The following MTRR variants were observed in gnomAD, a reference collection of about 807,000 sequenced individuals.
The protein encoded by MTRR is methionine synthase reductase.
A neutral mutation model predicts 79.2 loss-of-function variants in MTRR; 63 were observed. The ratio of observed to expected loss-of-function variants is 0.80; its 90% CI spans 0.65 to 0.98. MTRR has a LOEUF of 0.98. MTRR is among the 50% of genes least tolerant of loss of function. MTRR has a pLI of 0.00. For synonymous variants in MTRR, 355 were observed against 313.3 expected, an observed-to-expected ratio of 1.13 and a Z score of -1.41; for missense variants, 895 against 839.6, an observed-to-expected ratio of 1.07 and a Z score of -0.82.
chr5:7,864,454 ACAT>A (rs1409857653), upstream of MTRR, among the ~76,000 whole-genome samples: 1 of 152,208 alleles, frequency 6.6e-6, no homozygotes, highest in Non-Finnish European at 1.5e-5. Context: ...ATTTAAAAAT[ACAT>A]CATAAGTAAT....
At position 7,883,163 on chromosome 5, in the gene MTRR, C is replaced by G. The variant is rs577950573; in HGVS notation, c.789C>G (p.Ser263Arg). 1.2e-6 allele frequency: 2 copies of G among 1,614,168 alleles called. No individual in the cohort carries two copies. Among genetic ancestry groups the G allele is most frequent in the East Asian group, 4.5e-5 (2 of 44,878 alleles). ...CACATTTGTTTTTCAAGGAGGAAAGCCAAGTATCTGTGACTTCAGCAGATC... is the reference window on the plus strand; with the variant it reads ...CACATTTGTTTTTCAAGGAGGAAAGGCAAGTATCTGTGACTTCAGCAGATC... ...HLQESLGQEE[S>R]QVSVTSADPV... The change falls in exon 6 of 15, where the codon AGC (serine) becomes AGG (arginine). Residue 263 changes from serine to arginine, a missense_variant. Ser to Arg is a moderately radical substitution (Grantham distance 110). Coordinates refer to ENST00000440940, the MANE Select transcript of MTRR (RefSeq NM_002454.3).
rs1277860671 is a variant in MTRR, at chr5:7,886,641, G to A, written c.1084G>A (p.Ala362Thr). 3 of 1,613,870 alleles carry A rather than the reference G, an allele frequency of 1.9e-6. No individual in the cohort carries two copies. The highest frequency in any genetic ancestry group is 1.7e-5 in the Admixed American group (1 of 60,020). Reference protein sequence around the residue: ...KGATLPQHIPAGCSLQFIFTW... With the variant: ...KGATLPQHIPTGCSLQFIFTW... The stretch of plus-strand genomic sequence containing the variant: ...AGCTACCTTACCCCAGCATATACCT[G>A]CGGGATGTTCTCTCCAGTTCATTTT... Residue 362 changes from alanine to threonine, a missense_variant, in exon 8 of 15, where the codon GCG becomes ACG. By Grantham distance (58) the Ala-to-Thr change is moderately conservative. Coordinates refer to ENST00000440940, the MANE Select transcript of MTRR (RefSeq NM_002454.3).
intron 9 of MTRR, among the ~76,000 whole-genome samples, chr5:7,889,886 A>AT (rs1303033485): frequency 6.6e-6 from 1 of 151,944 alleles, no homozygotes; most frequent in Non-Finnish European, 1.5e-5. Flanking sequence ...AGAGTAACCC[A>AT]TTTTTTTGCC....
At chr5:7,876,309 G>C (rs571278498) in intron 4 of MTRR, among the ~76,000 whole-genome samples, 3 of 152,140 alleles carry the variant, frequency 2.0e-5, no homozygotes, top group Admixed American at 2.0e-4. Flanking sequence ...ATTCACTTTA[G>C]CTCTGTACCT....
chr5:7,873,425 G>A lies in MTRR; in HGVS notation c.182G>A (p.Gly61Asp), dbSNP rs768376029. The change falls in exon 3 of 15, where the codon GGC becomes GAC. Residue 61 changes from glycine to aspartate, a missense_variant. By Grantham distance (94) the Gly-to-Asp change is moderately conservative. Transcript: ENST00000440940. ...CTTGTTGTTGTGGTTTCTACCACGG[G>A]CACCGGAGACCCACCCGACACAGCC... Reference protein sequence around the residue: ...APLVVVVSTTGTGDPPDTARK... With the variant: ...APLVVVVSTTDTGDPPDTARK... The A allele has an allele frequency of 2.0e-5, 33 of 1,613,996 alleles. No individual in the cohort carries two copies. The highest frequency in any genetic ancestry group is 1.8e-4 in the South Asian group (16 of 91,076).
chr5:7,886,727 G>T, intron 8 of MTRR, 24 bp downstream of exon 8: 1 of 1,550,328 alleles, frequency 6.5e-7, no homozygotes, highest in South Asian at 1.1e-5. Context: ...TCTTCTTCAG[G>T]TAACTATTTT....
At chr5:7,867,776 T>TA, upstream of MTRR, 3 of 1,614,216 alleles carry the variant, frequency 1.9e-6, no homozygotes, top group South Asian at 3.3e-5. Flanking sequence ...CAGTCTCCTG[T>TA]AAAACATCTG....
upstream of MTRR, chr5:7,866,006 CAT>C (rs1345878005): frequency 6.3e-6 from 10 of 1,581,178 alleles, no homozygotes; most frequent in South Asian, 7.8e-5. Flanking sequence ...GCATCCCAGT[CAT>C]AGTTACGTCT....
At chr5:7,885,575 A>C (rs1218009814) in intron 6 of MTRR, 126 bp from the exon 7 acceptor site, 16 of 853,338 alleles carry the variant, frequency 1.9e-5, no homozygotes, top group Non-Finnish European at 2.8e-5. Context: ...TTTTTTTTTG[A>C]AATTCTATTT....
chr5:7,898,691 G>A (rs537728160), intron 14 of MTRR, among the ~76,000 whole-genome samples: 1 of 152,130 alleles, frequency 6.6e-6, no homozygotes, highest in Non-Finnish European at 1.5e-5. Context: ...CCTGAGAATA[G>A]TGGAGAGGAG....
intron 2 of MTRR, chr5:7,863,051 G>A (rs1049679419): frequency 9.5e-6 from 14 of 1,481,304 alleles, no homozygotes; most frequent in Non-Finnish European, 1.3e-5. Context: ...TAACAACAGA[G>A]AATAAATTGA....
At chr5:7,867,862 A>T (rs375491136), upstream of MTRR, 2 of 1,614,084 alleles carry the variant, frequency 1.2e-6, no homozygotes, top group African/African-American at 1.3e-5. Flanking sequence ...CACCGAGTGG[A>T]TGAAGGTCAT....
intron 1 of MTRR, chr5:7,859,338 AT>A: frequency 1.5e-6 from 1 of 656,938 alleles, no homozygotes; most frequent in Non-Finnish European, 2.6e-6. Flanking sequence ...TCTAGAACAT[AT>A]TCTGCAAAGT....
At chr5:7,863,913 C>A (rs1746739653) in intron 2 of MTRR, among the ~76,000 whole-genome samples, 1 of 152,032 alleles carries the variant, frequency 6.6e-6, no homozygotes, top group Non-Finnish European at 1.5e-5. Flanking sequence ...TACAATGACG[C>A]GACCTCGGCT....
chr5:7,871,121 G>A (rs1042711971), intron 2 of MTRR, among the ~76,000 whole-genome samples, 198 bp downstream of exon 2: 6 of 147,330 alleles, frequency 4.1e-5, no homozygotes, highest in African/African-American at 1.6e-4. Context: ...TAGACTAAAT[G>A]GTCTCAAAAA....
intron 1 of MTRR, chr5:7,859,538 A>T: frequency 1.3e-6 from 2 of 1,573,886 alleles, no homozygotes; most frequent in East Asian, 4.6e-5. Context: ...ATGATAGGGG[A>T]TCTGTAAAGG....
intron 1 of MTRR, chr5:7,870,497 A>C: frequency 2.4e-6 from 1 of 415,294 alleles, no homozygotes; most frequent in Non-Finnish European, 4.5e-6. Context: ...ACAGGGTTGC[A>C]CTTAGGAAAC....
At chr5:7,859,536 G>T (rs758385971) in intron 1 of MTRR, 1 of 1,583,780 alleles carries the variant, frequency 6.3e-7, no homozygotes, top group Non-Finnish European at 8.6e-7. Context: ...TCATGATAGG[G>T]GATCTGTAAA....
At chr5:7,855,571 G>A (rs1746221660) in intron 1 of MTRR, among the ~76,000 whole-genome samples, 1 of 152,096 alleles carries the variant, frequency 6.6e-6, no homozygotes. Context: ...GCAGTGGCGT[G>A]ATCATAGCTC....
Sources: allele counts gnomAD v4.1 joint callset (sites outside exome capture counted in the v4.1 genomes callset), GRCh38; gene constraint gnomAD v4.1.1; transcripts MANE v1.5; gene names NCBI Gene and HGNC (gene_info 2026-07-23, HGNC 2026-07-21).